Variants in ANTXR1 observed in about 807,000 individuals in gnomAD.
ANTXR1 encodes the protein anthrax toxin receptor 1.
ANTXR1 carries 19 observed loss-of-function variants against 78.1 expected under a neutral mutation model. The ratio of observed to expected loss-of-function variants is 0.24; its 90% CI spans 0.17 to 0.36. ANTXR1 has a LOEUF of 0.36. Among genes scored for constraint, ANTXR1 ranks in the 10% least tolerant of loss-of-function variants. The probability of loss-of-function intolerance (pLI) is 1.00; values close to 1 mark genes in which losing one functional copy is unlikely to be tolerated. For synonymous variants in ANTXR1, 273 were observed against 260.5 expected (o/e 1.05, Z -0.46); for missense variants, 518 against 718.6 (o/e 0.72, Z 3.19).
intron 8 of ANTXR1, among the ~76,000 whole-genome samples, chr2:69,081,018 C>T (rs757169824): frequency 1.3e-5 from 2 of 152,184 alleles, no homozygotes; most frequent in Non-Finnish European, 2.9e-5. Context: ...ATCTAGACAT[C>T]ATGGCACTCA....
chr2:69,138,095 G>GA (rs530717585), intron 12 of ANTXR1, among the ~76,000 whole-genome samples: 1,633 of 89,016 alleles, frequency 0.018, 29 homozygotes, highest in African/African-American at 0.054. Context: ...AAAAAAAAAA[G>GA]AAAAAAAAAA....
intron 10 of ANTXR1, among the ~76,000 whole-genome samples, chr2:69,116,732 C>T (rs944186693): frequency 1.3e-5 from 2 of 152,166 alleles, no homozygotes; most frequent in African/African-American, 4.8e-5. Context: ...AACACACCCT[C>T]CCGCTGCCTC....
intron 8 of ANTXR1, 40 bp downstream of exon 8, chr2:69,077,528 C>T (rs1481492830): frequency 1.9e-6 from 3 of 1,601,476 alleles, no homozygotes; most frequent in Non-Finnish European, 2.6e-6. Flanking sequence ...CATTCAGGCA[C>T]CTTCCGTCTC....
chr2:69,239,342 G>T (rs904103090), intron 17 of ANTXR1, among the ~76,000 whole-genome samples: 1 of 152,192 alleles, frequency 6.6e-6, no homozygotes. Context: ...GCCAAGGCTG[G>T]CGGATCACCT....
At chr2:69,088,527 T>C (rs751150209) in intron 8 of ANTXR1, among the ~76,000 whole-genome samples, 40 of 152,244 alleles carry the variant, frequency 2.6e-4, no homozygotes, top group South Asian at 2.1e-3. Flanking sequence ...TCTGGAGACT[T>C]GTGCCTGAGG....
chr2:69,102,704 C>T, intron 9 of ANTXR1, 138 bp from the exon 10 acceptor site: 1 of 909,270 alleles, frequency 1.1e-6, no homozygotes. Context: ...CACCTGGTTG[C>T]TTTTGGTGTT....
At chr2:69,118,572 C>T (rs905630021) in intron 10 of ANTXR1, among the ~76,000 whole-genome samples, 5 of 152,194 alleles carry the variant, frequency 3.3e-5, no homozygotes, top group Non-Finnish European at 7.3e-5. Context: ...CTTCATTTTC[C>T]CTGCCCACCC....
At chr2:69,081,081 C>T (rs1670885686) in intron 8 of ANTXR1, among the ~76,000 whole-genome samples, 1 of 152,324 alleles carries the variant, frequency 6.6e-6, no homozygotes, top group South Asian at 2.1e-4. Context: ...GACTTGAACA[C>T]GTTCTCTCTA....
At chr2:69,127,102 A>G (rs1465348795) in intron 12 of ANTXR1, among the ~76,000 whole-genome samples, 3 of 152,116 alleles carry the variant, frequency 2.0e-5, no homozygotes, top group African/African-American at 7.2e-5. Flanking sequence ...GTGATGGGGG[A>G]AGGGAAGACA....
chr2:69,099,299 T>C (rs528914343), intron 9 of ANTXR1, among the ~76,000 whole-genome samples: 1 of 152,374 alleles, frequency 6.6e-6, no homozygotes, highest in East Asian at 1.9e-4. Context: ...TTGATTTCTT[T>C]TGATGGCTCA....
chr2:69,054,849 T>G (rs928305886), intron 3 of ANTXR1, among the ~76,000 whole-genome samples: 1 of 152,196 alleles, frequency 6.6e-6, no homozygotes, highest in Non-Finnish European at 1.5e-5. Flanking sequence ...TTTGAGGTAC[T>G]GTTCTTTTAG....
intron 10 of ANTXR1, among the ~76,000 whole-genome samples, chr2:69,114,298 G>C (rs72899314): frequency 0.046 from 7,052 of 152,276 alleles, 545 homozygotes; most frequent in African/African-American, 0.16. Flanking sequence ...CATATGGGTA[G>C]ATAATAATTT....
chr2:69,122,249 C>T (rs1672372137), intron 10 of ANTXR1, among the ~76,000 whole-genome samples: 1 of 152,190 alleles, frequency 6.6e-6, no homozygotes, highest in South Asian at 2.1e-4. Flanking sequence ...TGCACAAAAG[C>T]ATAGCTCATG....
At position 69,044,715 on chromosome 2, in the gene ANTXR1, C is replaced by T. The variant is rs759046338; in HGVS notation, c.225-27C>T. On this transcript the variant is annotated intron_variant, in intron 2 of 17. Coordinates refer to ENST00000303714, the MANE Select transcript of ANTXR1 (RefSeq NM_032208.3). ...TGGCATGCGCAGTCTTATTGTCTGT[C>T]CTAATAGAGCTTCTTTTCCTTTCCA... 4 of 1,611,746 alleles carry T rather than the reference C, an allele frequency of 2.5e-6. No individual in the cohort carries two copies. In the South Asian group the frequency reaches 4.4e-5, roughly 18 times the overall value.
intron 12 of ANTXR1, among the ~76,000 whole-genome samples, chr2:69,133,660 T>A (rs1162939487): frequency 6.6e-6 from 1 of 152,234 alleles, no homozygotes; most frequent in Non-Finnish European, 1.5e-5. Context: ...GAGTAGGCTC[T>A]AGTTTACTTT....
At chr2:69,184,243 C>T (rs1674365637) in intron 16 of ANTXR1, among the ~76,000 whole-genome samples, 1 of 152,226 alleles carries the variant, frequency 6.6e-6, no homozygotes, top group Non-Finnish European at 1.5e-5. Flanking sequence ...GCTGAGCTAG[C>T]TCAAGCTCAC....
intron 11 of ANTXR1, 54 bp downstream of exon 11, chr2:69,123,140 G>A: frequency 1.3e-6 from 2 of 1,563,210 alleles, no homozygotes; most frequent in Admixed American, 1.7e-5. Flanking sequence ...GAGAGGAGGT[G>A]TACGGGGACA....
intron 10 of ANTXR1, among the ~76,000 whole-genome samples, chr2:69,121,307 C>A (rs1006118843): frequency 2.0e-5 from 3 of 152,238 alleles, no homozygotes; most frequent in Admixed American, 2.0e-4. Flanking sequence ...ACTGTCTCTC[C>A]TGCCTCCTAT....
At chr2:69,159,783 G>T (rs894405104) in intron 13 of ANTXR1, among the ~76,000 whole-genome samples, 3 of 151,990 alleles carry the variant, frequency 2.0e-5, no homozygotes, top group African/African-American at 7.3e-5. Context: ...AAAGAATTAC[G>T]TAACAGATCA....
Sources: allele counts gnomAD v4.1 joint callset (sites outside exome capture counted in the v4.1 genomes callset), GRCh38; gene constraint gnomAD v4.1.1; transcripts MANE v1.5; gene names NCBI Gene and HGNC (gene_info 2026-07-23, HGNC 2026-07-21).